Variants in NRG1 observed in about 807,000 individuals in gnomAD.
The protein encoded by NRG1 is pro-neuregulin-1, membrane-bound isoform.
NRG1 carries 18 observed loss-of-function variants against 63.8 expected under a neutral mutation model. That is an observed-to-expected ratio of 0.28 (90% CI 0.19 to 0.42). The LOEUF is 0.42. Ranked by LOEUF, NRG1 falls within the 10% of genes least tolerant of loss-of-function variation. The pLI is 1.00. For missense variants in NRG1, 762 were observed against 814.7 expected (o/e 0.94, Z 0.79); for synonymous variants, 302 against 301.3 (o/e 1.00, Z -0.02).
chr8:31,652,035 CTCTACCCTCACTGCTAGTATGA>C (rs1395096351), intron 1 of NRG1, among the ~76,000 whole-genome samples: 1 of 152,202 alleles, frequency 6.6e-6, no homozygotes, highest in African/African-American at 2.4e-5. Flanking sequence ...CTAATAATGA[CTCTACCCTCACTGCTAGTATGA>C]TCACCACAGT....
At chr8:32,194,436 A>G (rs1273852887) in intron 1 of NRG1, among the ~76,000 whole-genome samples, 1 of 152,126 alleles carries the variant, frequency 6.6e-6, no homozygotes, top group African/African-American at 2.4e-5. Flanking sequence ...CCACATCATG[A>G]TGATTCAGCT....
chr8:31,786,863 T>A (rs936588498), intron 1 of NRG1, among the ~76,000 whole-genome samples: 1 of 152,118 alleles, frequency 6.6e-6, no homozygotes, highest in African/African-American at 2.4e-5. Context: ...CCAATCCTTT[T>A]GGGTTTTTAC....
chr8:32,235,674 A>G (rs995903589), intron 1 of NRG1, among the ~76,000 whole-genome samples: 5 of 151,322 alleles, frequency 3.3e-5, no homozygotes, highest in African/African-American at 1.2e-4. Flanking sequence ...AGGGCATGAG[A>G]CTTTCAGTCT....
At chr8:32,672,710 A>C (rs1199865227) in intron 5 of NRG1, among the ~76,000 whole-genome samples, 1 of 152,192 alleles carries the variant, frequency 6.6e-6, no homozygotes, top group African/African-American at 2.4e-5. Context: ...GATCAAAAAC[A>C]ATCTTGCAAT....
At position 32,338,218 on chromosome 8, in the gene NRG1, G is replaced by A. The variant is rs577852326; in HGVS notation, c.38-257610G>A. On this transcript the variant is annotated intron_variant, in intron 1 of 10. Coordinates refer to the NRG1 transcript ENST00000519301. ...GAGGAGCATAGGAGAAAGGTACCAT[G>A]TGAAAGAATAAATAACGTCTTTGCC... is the stretch of plus-strand genomic sequence containing the variant. Among the ~76,000 whole-genome samples the A allele has an allele frequency of 1.2e-4, 19 of 152,328 alleles. No individual in the cohort carries two copies. In the South Asian group the frequency reaches 1.4e-3, roughly 12 times the overall value.
intron 1 of NRG1, among the ~76,000 whole-genome samples, chr8:32,472,314 C>T (rs1355039299): frequency 6.6e-6 from 1 of 152,122 alleles, no homozygotes; most frequent in African/African-American, 2.4e-5. Context: ...GGATTACAGA[C>T]ACCCGCCATG....
chr8:32,401,704 G>A (rs1434709600), intron 1 of NRG1, among the ~76,000 whole-genome samples: 1 of 152,022 alleles, frequency 6.6e-6, no homozygotes, highest in Non-Finnish European at 1.5e-5. Flanking sequence ...TGGACACAAA[G>A]AGAAGAACAA....
intron 1 of NRG1, among the ~76,000 whole-genome samples, chr8:31,780,042 G>A (rs1819530090): frequency 6.6e-6 from 1 of 152,166 alleles, no homozygotes; most frequent in Admixed American, 6.5e-5. Flanking sequence ...ATACCCGCAG[G>A]TCATTGCTAT....
intron 1 of NRG1, among the ~76,000 whole-genome samples, chr8:31,898,761 G>C (rs1046922357): frequency 6.6e-6 from 1 of 152,148 alleles, no homozygotes; most frequent in Admixed American, 6.6e-5. Flanking sequence ...TCTCATGACA[G>C]GTAAAGATGA....
intron 1 of NRG1, among the ~76,000 whole-genome samples, chr8:32,439,072 T>C (rs1482273893): frequency 6.6e-6 from 1 of 152,200 alleles, no homozygotes; most frequent in African/African-American, 2.4e-5. Flanking sequence ...GGCAACCAAA[T>C]ACCTAAATGT....
chr8:31,906,483 C>T (rs139414067), intron 1 of NRG1, among the ~76,000 whole-genome samples: 29 of 152,234 alleles, frequency 1.9e-4, no homozygotes, highest in East Asian at 1.7e-3. Flanking sequence ...CTAGAGTTCC[C>T]GATTTTGCAG....
At chr8:32,188,197 G>A (rs770281635) in intron 1 of NRG1, among the ~76,000 whole-genome samples, 5 of 151,890 alleles carry the variant, frequency 3.3e-5, no homozygotes, top group African/African-American at 9.7e-5. Context: ...CTCCTCAGCC[G>A]CTGGGATTAC....
chr8:31,685,413 A>G (rs1808784151), intron 1 of NRG1, among the ~76,000 whole-genome samples: 1 of 152,218 alleles, frequency 6.6e-6, no homozygotes, highest in African/African-American at 2.4e-5. Flanking sequence ...ATTTTGGTTA[A>G]TTAGGGATTT....
At chr8:32,554,138 T>C (rs17646763) in intron 1 of NRG1, among the ~76,000 whole-genome samples, 59,557 of 151,902 alleles carry the variant, frequency 0.39, 12,733 homozygotes, top group Admixed American at 0.49. Context: ...TCTTGACAAA[T>C]AGAAAAAACA....
intron 1 of NRG1, among the ~76,000 whole-genome samples, chr8:31,659,353 G>A (rs889214516): frequency 3.3e-5 from 5 of 152,174 alleles, no homozygotes; most frequent in African/African-American, 7.2e-5. Flanking sequence ...TTTGGGACAT[G>A]GCACCAAGAA....
chr8:32,128,258 A>C (rs1438901827), intron 1 of NRG1, among the ~76,000 whole-genome samples: 1 of 151,870 alleles, frequency 6.6e-6, no homozygotes, highest in African/African-American at 2.4e-5. Context: ...CAGCTGTTGG[A>C]GATTGAGCTT....
At chr8:31,994,653 CAAAAAAA>C (rs59019886) in intron 1 of NRG1, among the ~76,000 whole-genome samples, 4 of 62,334 alleles carry the variant, frequency 6.4e-5, no homozygotes, top group East Asian at 5.7e-4. Context: ...TACTCTGTCT[CAAAAAAA>C]AAAAAAAAAA....
At chr8:32,413,699 C>A (rs1815440677) in intron 1 of NRG1, among the ~76,000 whole-genome samples, 1 of 152,134 alleles carries the variant, frequency 6.6e-6, no homozygotes, top group South Asian at 2.1e-4. Context: ...CTTTAATTTG[C>A]TGAGGAACAT....
intron 1 of NRG1, among the ~76,000 whole-genome samples, chr8:32,377,206 G>A (rs1809740931): frequency 6.6e-6 from 1 of 152,170 alleles, no homozygotes; most frequent in South Asian, 2.1e-4. Flanking sequence ...AGAAGTTGAA[G>A]GACACTTTTT....
Sources: allele counts gnomAD v4.1 joint callset (sites outside exome capture counted in the v4.1 genomes callset), GRCh38; gene constraint gnomAD v4.1.1; transcripts MANE v1.5; gene names NCBI Gene and HGNC (gene_info 2026-07-23, HGNC 2026-07-21).